Variants in FSD1L observed in about 807,000 individuals in gnomAD.
FSD1L encodes the protein FSD1-like protein.
A neutral mutation model predicts 71.6 loss-of-function variants in FSD1L; 45 were observed. The observed-to-expected ratio is 0.63, with a 90% confidence interval of 0.49 to 0.81. The LOEUF (loss-of-function observed/expected upper bound fraction) is 0.81, where lower values mean the gene tolerates loss of function less well. Among genes scored for constraint, FSD1L ranks in the 30% least tolerant of loss-of-function variants. The probability of loss-of-function intolerance (pLI) is 0.00; values close to 1 mark genes in which losing one functional copy is unlikely to be tolerated. For synonymous variants in FSD1L, 197 were observed against 207.2 expected (o/e 0.95, Z 0.42); for missense variants, 561 against 618.1 (o/e 0.91, Z 0.98).
At chr9:105,534,090 T>C (rs891485344) in intron 10 of FSD1L, among the ~76,000 whole-genome samples, 3 of 152,186 alleles carry the variant, frequency 2.0e-5, no homozygotes, top group Non-Finnish European at 4.4e-5. Flanking sequence ...AAAAGAGTTA[T>C]TTAGTCAGGA....
chr9:105,521,366 C>G (rs1208277696), intron 10 of FSD1L: 1 of 1,614,054 alleles, frequency 6.2e-7, no homozygotes, highest in East Asian at 2.2e-5. Flanking sequence ...CCAATACAAG[C>G]ACTCTCACGG....
chr9:105,468,292 C>G lies in FSD1L; in HGVS notation c.307C>G (p.Gln103Glu), dbSNP rs1227632423. 1 of 1,490,964 alleles carries G rather than the reference C, an allele frequency of 6.7e-7. No homozygotes were observed. Among genetic ancestry groups the G allele is most frequent in the Non-Finnish European group, 8.9e-7 (1 of 1,126,120 alleles). 92.4% of individuals were successfully genotyped at this position (1,490,964 alleles called of 1,614,324 possible). A position where few individuals can be genotyped will look rare whatever the true frequency, so the allele number is the denominator to read the frequency against. Residue 103 changes from glutamine (Q) to glutamate (E), a missense_variant, in exon 4 of 14, where the codon CAG (glutamine) becomes GAG (glutamate). By Grantham distance (29) the Gln-to-Glu change is conservative. Coordinates refer to ENST00000481272, the MANE Select transcript of FSD1L (RefSeq NM_001145313.3). ...AGAAAGTATGATTAACTGTATCAAG[C>G]AGGAACAAGCTCGTAAATCCCAAGA... is the stretch of plus-strand genomic sequence containing the variant. The part of the protein sequence containing the change: ...VKESMINCIK[Q>E]EQARKSQELQ...
intron 7 of FSD1L, among the ~76,000 whole-genome samples, chr9:105,494,958 G>T (rs1460268539): frequency 6.6e-6 from 1 of 152,180 alleles, no homozygotes; most frequent in East Asian, 1.9e-4. Context: ...AGGGGTCACG[G>T]ACCCACTTGA....
At chr9:105,493,858 G>T (rs1391318488) in intron 7 of FSD1L, among the ~76,000 whole-genome samples, 27 of 152,242 alleles carry the variant, frequency 1.8e-4, no homozygotes, top group Admixed American at 1.4e-3. Flanking sequence ...TAGAGTTTCT[G>T]CCGAGAGATC....
intron 5 of FSD1L, 49 bp from the exon 6 acceptor site, chr9:105,479,305 T>C: frequency 1.3e-6 from 2 of 1,536,710 alleles, no homozygotes; most frequent in Non-Finnish European, 1.8e-6. Flanking sequence ...GAAACTTGCA[T>C]GAAAAGCACT....
Position 105,461,515 on chromosome 9 carries a change from G to C in FSD1L, c.16-5G>C, listed in dbSNP as rs900622395. Reference sequence around the variant, plus strand: ...ATTGGCTCCTACTGTATTTATATTGGACAGTACTGCTTTAAGGAGAATGAA... The same window carrying C: ...ATTGGCTCCTACTGTATTTATATTGCACAGTACTGCTTTAAGGAGAATGAA... On this transcript the variant is annotated splice_region_variant and splice_polypyrimidine_tract_variant and intron_variant, in intron 1 of 13. Transcript: ENST00000481272. The C allele has an allele frequency of 1.8e-5, 27 of 1,521,496 alleles. No individual in the cohort carries two copies. The Admixed American group carries it at 4.9e-4, about 28-fold the overall frequency. 94.2% of individuals were successfully genotyped at this position (1,521,496 alleles called of 1,614,324 possible). A position where few individuals can be genotyped will look rare whatever the true frequency, so the allele number is the denominator to read the frequency against.
chr9:105,480,024 G>T (rs1161005896), intron 6 of FSD1L, among the ~76,000 whole-genome samples: 1 of 152,206 alleles, frequency 6.6e-6, no homozygotes, highest in African/African-American at 2.4e-5. Context: ...TAAAGGAGTT[G>T]CTGGCAACAT....
chr9:105,544,747 T>C (rs1836864947), intron 13 of FSD1L, among the ~76,000 whole-genome samples: 1 of 152,154 alleles, frequency 6.6e-6, no homozygotes, highest in Non-Finnish European at 1.5e-5. Context: ...TGATGTGTGG[T>C]ATTATTTCTG....
In FSD1L at chr9:105,471,943, G is replaced by A. The variant is rs1831503625; in HGVS notation, c.379G>A (p.Glu127Lys). The A allele has an allele frequency of 1.4e-6, 2 of 1,406,732 alleles. No individual in the cohort carries two copies. The highest frequency in any genetic ancestry group is 3.6e-5 in the Admixed American group (1 of 27,694). 87.1% of individuals were successfully genotyped at this position (1,406,732 alleles called of 1,614,324 possible). A position where few individuals can be genotyped will look rare whatever the true frequency, so the allele number is the denominator to read the frequency against. ...SQCNNALENS[E>K]ELLEFATRSL... ...ATGTAATAATGCCCTGGAGAACTCT[G>A]AAGAACTATTAGAATTTGCAACAAG... The change falls in exon 5 of 14, where the codon GAA becomes AAA. Residue 127 changes from glutamate to lysine, a missense_variant. This residue lies in a region of FSD1L where 410 missense variants were observed against 413.5 expected (regional missense o/e 0.99). Coordinates refer to ENST00000481272, the MANE Select transcript of FSD1L (RefSeq NM_001145313.3).
At chr9:105,514,059 A>G (rs1564129607) in intron 10 of FSD1L, among the ~76,000 whole-genome samples, 1 of 152,358 alleles carries the variant, frequency 6.6e-6, no homozygotes, top group East Asian at 1.9e-4. Flanking sequence ...AGCAACAAGG[A>G]TAAAAAATAA....
At chr9:105,521,532 G>C in intron 10 of FSD1L, 1 of 1,613,924 alleles carries the variant, frequency 6.2e-7, no homozygotes. Context: ...TTGTGAAGCA[G>C]CAGCTATGAG....
intron 1 of FSD1L, among the ~76,000 whole-genome samples, chr9:105,454,377 T>A (rs1477566104): frequency 6.6e-6 from 1 of 152,206 alleles, no homozygotes. Context: ...ATCCCAACCT[T>A]TTAATGTTAT....
intron 7 of FSD1L, among the ~76,000 whole-genome samples, chr9:105,501,464 C>G (rs990358655): frequency 6.6e-6 from 1 of 152,192 alleles, no homozygotes; most frequent in African/African-American, 2.4e-5. Context: ...TTCTCTATCA[C>G]CCAGGCTGGA....
At chr9:105,540,006 C>G (rs939369632) in intron 13 of FSD1L, among the ~76,000 whole-genome samples, 2 of 151,654 alleles carry the variant, frequency 1.3e-5, no homozygotes, top group Non-Finnish European at 1.5e-5. Flanking sequence ...GAGTATATAC[C>G]TATGATTGGG....
chr9:105,523,752 G>T, intron 10 of FSD1L: 2 of 1,597,020 alleles, frequency 1.3e-6, no homozygotes, highest in Non-Finnish European at 8.6e-7. Flanking sequence ...TCCAAATAGA[G>T]ATTTTCTAAC....
intron 13 of FSD1L, among the ~76,000 whole-genome samples, chr9:105,545,638 T>C (rs1416923734): frequency 6.6e-6 from 1 of 151,402 alleles, no homozygotes; most frequent in African/African-American, 2.5e-5. Flanking sequence ...CATGAAGGGC[T>C]GTCGAATTTT....
At chr9:105,474,643 AG>A (rs950706126) in intron 5 of FSD1L, among the ~76,000 whole-genome samples, 1 of 152,352 alleles carries the variant, frequency 6.6e-6, no homozygotes, top group Non-Finnish European at 1.5e-5. Flanking sequence ...AATTCATTTA[AG>A]GTATACTATT....
Position 105,535,291 on chromosome 9 carries a change from A to G in FSD1L, c.1351A>G (p.Ile451Val), listed in dbSNP as rs1314941016. Residue 451 changes from isoleucine to valine, a missense_variant, in exon 12 of 14, where the codon ATA becomes GTA. Ile to Val is a conservative substitution (Grantham distance 29). This residue lies in a region of FSD1L where 98 missense variants were observed against 102.3 expected (regional missense o/e 0.96). Transcript: ENST00000481272. ...KALDVTVPEK[I>V]GVFCDFDGGQ... is the part of the protein sequence containing the mutation. Reference sequence around the variant, plus strand: ...TTTGGATGTTACTGTTCCTGAAAAAATAGGTGTATTTTGTGATTTTGATGG... The same window carrying G: ...TTTGGATGTTACTGTTCCTGAAAAAGTAGGTGTATTTTGTGATTTTGATGG... The G allele has an allele frequency of 1.9e-6, 3 of 1,551,482 alleles. No individual in the cohort carries two copies. Among genetic ancestry groups the G allele is most frequent in the Non-Finnish European group, 2.6e-6 (3 of 1,146,948 alleles).
chr9:105,538,720 G>A (rs1036049225), intron 12 of FSD1L, among the ~76,000 whole-genome samples: 1 of 152,144 alleles, frequency 6.6e-6, no homozygotes, highest in African/African-American at 2.4e-5. Flanking sequence ...AGGATTGCTT[G>A]AGCTCAGGAG....
Sources: gnomAD v4.1 joint callset for allele counts (sites outside exome capture counted in the v4.1 genomes callset) on GRCh38, gnomAD v4.1.1 for gene constraint, gnomAD v4.1.1 regional missense constraint, MANE v1.5 for transcripts, NCBI Gene and HGNC (gene_info 2026-07-23, HGNC 2026-07-21) for gene names.